Variants in DCD observed in about 807,000 individuals in gnomAD.
DCD encodes the protein diffusible survival/evasion peptide.
Under a neutral mutation model 14.5 loss-of-function variants are expected in DCD, and 17 were observed. That is an observed-to-expected ratio of 1.18 (90% CI 0.81 to 1.76). The LOEUF is 1.76. DCD is among the 40% of genes most tolerant of loss of function. The pLI, the probability that DCD is intolerant of heterozygous loss-of-function variation, is 0.00. For synonymous variants in DCD, 64 were observed against 54.0 expected, an observed-to-expected ratio of 1.19 and a Z score of -0.82; for missense variants, 139 against 133.4, an observed-to-expected ratio of 1.04 and a Z score of -0.21.
intron 4 of DCD, 83 bp downstream of exon 4, chr12:54,645,090 G>T (rs894372652): frequency 5.9e-6 from 9 of 1,517,210 alleles, no homozygotes; most frequent in South Asian, 3.4e-5. Flanking sequence ...GTCTTCAATG[G>T]GGGGGCTGTG....
Position 54,645,642 on chromosome 12 carries a change from C to T in DCD, c.163G>A (p.Ala55Thr), listed in dbSNP as rs904401502. 6.2e-7 allele frequency: 1 copy of T among 1,614,110 alleles called. No homozygotes were observed. Among genetic ancestry groups the T allele is most frequent in the Non-Finnish European group, 8.5e-7 (1 of 1,179,990 alleles). The part of the protein sequence containing the change: ...AGEDPGLARQ[A>T]PKPRKQRSSL... ...GATCTCTGCTTCCTTGGCTTTGGTG[C>T]CTGTCTGGCTAACCCTGGGTCTTCA... Residue 55 changes from alanine (A) to threonine (T), a missense_variant, in exon 3 of 5, where the codon GCA becomes ACA. Coordinates refer to ENST00000293371, the MANE Select transcript of DCD (RefSeq NM_053283.4).
Position 54,648,298 on chromosome 12 carries a change from C to T in DCD, c.6G>A (p.Arg2=). 1 of 1,613,948 alleles carries T rather than the reference C, an allele frequency of 6.2e-7. No homozygotes were observed. Residue 2 remains arginine (R), a synonymous_variant, in exon 1 of 5, where the codon AGG becomes AGA. Coordinates refer to ENST00000293371, the MANE Select transcript of DCD (RefSeq NM_053283.4). ...CTGTCAGGAAGAGGAGAGTCATGAA[C>T]CTCATGCTTCTGTGTGCTGGAGTGG... M[R]FMTLLFLTAL...
At chr12:54,645,111 A>G (rs1042449985) in intron 4 of DCD, 62 bp downstream of exon 4, 3 of 1,569,610 alleles carry the variant, frequency 1.9e-6, no homozygotes, top group South Asian at 1.1e-5. Context: ...GCAGTTTCAG[A>G]TCTCATGCAA....
Position 54,645,182 on chromosome 12 carries a change from C to G in DCD, c.280G>C (p.Val94Leu), listed in dbSNP as rs755072961. 4.3e-6 allele frequency: 7 copies of G among 1,614,056 alleles called. No homozygotes were observed. The African/African-American group carries it at 5.3e-5, about 12-fold the overall frequency. Residue 94 changes from valine to leucine, a missense_variant, in exon 4 of 5, where the codon GTG becomes CTG. By Grantham distance (32) the Val-to-Leu change is conservative (BLOSUM62 1). Coordinates refer to ENST00000293371, the MANE Select transcript of DCD (RefSeq NM_053283.4). ...GKDAVEDLESVGKGAVHDVKD... is the reference protein window; with the variant it reads ...GKDAVEDLESLGKGAVHDVKD... ...GGGGACATATACTCACCTTTACCCACGCTTTCTAGATCTTCGACTGCATCT... is the reference window on the plus strand; with the variant it reads ...GGGGACATATACTCACCTTTACCCAGGCTTTCTAGATCTTCGACTGCATCT...
chr12:54,644,763 C>A lies in DCD; in HGVS notation c.290-7G>T. 6.2e-7 allele frequency: 1 copy of A among 1,601,382 alleles called. No homozygotes were observed. Among genetic ancestry groups the A allele is most frequent in the Non-Finnish European group, 8.5e-7 (1 of 1,173,526 alleles). ...TTAACGTCATGGACGGCTCCTAGGA[C>A]AGCCACAGAAAAAAATGGGGTAAAG... On this transcript the variant is annotated splice_region_variant and splice_polypyrimidine_tract_variant and intron_variant, in intron 4 of 4. Transcript: ENST00000293371.
At chr12:54,645,524 C>A in intron 3 of DCD, 82 bp downstream of exon 3, 1 of 1,273,298 alleles carries the variant, frequency 7.9e-7, no homozygotes, top group South Asian at 1.3e-5. Context: ...TGTGCTTGTG[C>A]CTGTGAGGGC....
chr12:54,645,329 C>A, intron 3 of DCD, 67 bp from the exon 4 acceptor site: 1 of 1,481,670 alleles, frequency 6.7e-7, no homozygotes, highest in Non-Finnish European at 9.4e-7. Context: ...AGGAGAGCTC[C>A]CCCGCTTCCT....
chr12:54,646,440 A>G (rs1958261714), intron 2 of DCD, among the ~76,000 whole-genome samples: 1 of 152,140 alleles, frequency 6.6e-6, no homozygotes, highest in Non-Finnish European at 1.5e-5. Flanking sequence ...AAACTGCTAT[A>G]TATGGGAAGC....
rs1036891419 is a variant in DCD, at chr12:54,645,016, A to C, written c.289+157T>G. On this transcript the variant is annotated intron_variant, in intron 4 of 4. Coordinates refer to ENST00000293371, the MANE Select transcript of DCD (RefSeq NM_053283.4). Reference sequence around the variant, plus strand: ...TTAGACCCCAGGAAGTATCAATATCAGACAAGAATGGCAATTTAAATCTGG... The same window carrying C: ...TTAGACCCCAGGAAGTATCAATATCCGACAAGAATGGCAATTTAAATCTGG... The C allele has an allele frequency of 7.6e-5, 115 of 1,506,060 alleles. 1 individual carries two copies. The African/African-American group carries it at 1.3e-3, about 17-fold the overall frequency. 93.3% of individuals were successfully genotyped at this position (1,506,060 alleles called of 1,614,324 possible).
chr12:54,644,900 T>C, intron 4 of DCD, 144 bp from the exon 5 acceptor site: 1 of 1,550,146 alleles, frequency 6.5e-7, no homozygotes, highest in Non-Finnish European at 8.7e-7. Context: ...GTCAGAGGGA[T>C]GGAGGTTAGA....
At chr12:54,646,775 G>A (rs1281598385) in intron 2 of DCD, among the ~76,000 whole-genome samples, 1 of 152,180 alleles carries the variant, frequency 6.6e-6, no homozygotes, top group East Asian at 1.9e-4. Context: ...GGGAAACCAC[G>A]TGAAAGGTTT....
Position 54,645,717 on chromosome 12 carries a change from T to C in DCD, c.98-10A>G, listed in dbSNP as rs774433078. 1 of 1,611,160 alleles carries C rather than the reference T, an allele frequency of 6.2e-7. No individual in the cohort carries two copies. ...GATGCTTCATGGCAAGCTGCAAGGG[T>C]AAGGGAGTGAGAGGAATAATAGCTA... On this transcript the variant is annotated splice_polypyrimidine_tract_variant and intron_variant, in intron 2 of 4. Coordinates refer to ENST00000293371, the MANE Select transcript of DCD (RefSeq NM_053283.4).
At chr12:54,645,842 GA>G in intron 2 of DCD, 135 bp from the exon 3 acceptor site, 1 of 682,042 alleles carries the variant, frequency 1.5e-6, no homozygotes, top group Non-Finnish European at 2.6e-6. Flanking sequence ...TCTAGAGCTT[GA>G]CTTTCATGAT....
Position 54,644,607 on chromosome 12 carries a change from T to C in DCD, c.*106A>G. 1 of 867,938 alleles carries C rather than the reference T, an allele frequency of 1.2e-6. No homozygotes were observed. Among genetic ancestry groups the C allele is most frequent in the Non-Finnish European group, 1.8e-6 (1 of 559,368 alleles). 53.8% of individuals were successfully genotyped at this position (867,938 alleles called of 1,614,324 possible). A position where few individuals can be genotyped will look rare whatever the true frequency, so the allele number is the denominator to read the frequency against. ...CTCCAAGTATTACAGATGCTTTCAGTTTAATAGCTGTTTTAAATTTTTTTT... is the reference window on the plus strand; with the variant it reads ...CTCCAAGTATTACAGATGCTTTCAGCTTAATAGCTGTTTTAAATTTTTTTT... On this transcript the variant is annotated 3_prime_UTR_variant, in exon 5 of 5. Coordinates refer to ENST00000293371, the MANE Select transcript of DCD (RefSeq NM_053283.4).
intron 4 of DCD, 171 bp from the exon 5 acceptor site, chr12:54,644,927 A>C: frequency 6.5e-7 from 1 of 1,549,910 alleles, no homozygotes; most frequent in South Asian, 1.2e-5. Context: ...GGAGCCCCAA[A>C]GACCAACCTC....
At chr12:54,648,063 A>T (rs1490775639) in intron 1 of DCD, among the ~76,000 whole-genome samples, 183 bp downstream of exon 1, 1 of 152,228 alleles carries the variant, frequency 6.6e-6, no homozygotes, top group Non-Finnish European at 1.5e-5. Context: ...GGCTGGGGCC[A>T]CAGGGCTCCT....
At chr12:54,645,364 GA>G in intron 3 of DCD, 102 bp from the exon 4 acceptor site, 1 of 1,225,834 alleles carries the variant, frequency 8.2e-7, no homozygotes, top group Non-Finnish European at 1.2e-6. Flanking sequence ...CCCCTAAGGT[GA>G]AGTGGTTTTG....
chr12:54,647,232 A>G (rs1958268753), intron 1 of DCD, 73 bp from the exon 2 acceptor site: 2 of 1,437,194 alleles, frequency 1.4e-6, no homozygotes, highest in East Asian at 5.0e-5. Context: ...AGGGCTGCCT[A>G]GAATTCCCAG....
At chr12:54,646,555 G>C (rs188683260) in intron 2 of DCD, among the ~76,000 whole-genome samples, 1 of 152,250 alleles carries the variant, frequency 6.6e-6, no homozygotes, top group African/African-American at 2.4e-5. Context: ...GTTAGAGCAC[G>C]GACAGGTAGG....
Sources: gnomAD v4.1 joint callset for allele counts (sites outside exome capture counted in the v4.1 genomes callset) on GRCh38, gnomAD v4.1.1 for gene constraint, MANE v1.5 for transcripts, NCBI Gene and HGNC (gene_info 2026-07-23, HGNC 2026-07-21) for gene names.